Variants in TMC1 observed in about 807,000 individuals in gnomAD.
TMC1 encodes the protein transmembrane channel like 1.
TMC1 carries 84 observed loss-of-function variants against 105.8 expected under a neutral mutation model. That is an observed-to-expected ratio of 0.79 (90% confidence interval 0.67 to 0.95). The LOEUF (loss-of-function observed/expected upper bound fraction) is 0.95. Ranked by LOEUF, TMC1 falls within the 40% of genes least tolerant of loss-of-function variation. The pLI, the probability that TMC1 is intolerant of heterozygous loss-of-function variation, is 0.00. For synonymous variants in TMC1, 315 were observed against 311.5 expected (o/e 1.01, Z -0.12); for missense variants, 817 against 914.1 (o/e 0.89, Z 1.37).
chr9:72,562,793 A>C (rs928150514), intron 1 of TMC1, among the ~76,000 whole-genome samples: 1 of 152,162 alleles, frequency 6.6e-6, no homozygotes, highest in African/African-American at 2.4e-5. Flanking sequence ...AATACAGAGG[A>C]AGATCTAACT....
intron 1 of TMC1, among the ~76,000 whole-genome samples, chr9:72,548,721 C>T (rs1046972895): frequency 2.0e-5 from 3 of 152,126 alleles, no homozygotes; most frequent in Admixed American, 6.5e-5. Context: ...TGCAGTGGCT[C>T]ACGCCTGTAA....
rs1408811372 is a variant in TMC1 at position 72,808,803 on chromosome 9, A to G, written c.1695+3293A>G. 6 of 152,148 alleles carry G rather than the reference A, an allele frequency of 3.9e-5. No homozygotes were observed. In the East Asian group the frequency reaches 9.6e-4, roughly 24 times the overall value. The allele number at this position is 152,148 out of a possible 1,614,324, so 9.4% of individuals were successfully genotyped here. A position where few individuals can be genotyped will look rare whatever the true frequency, so the allele number is the denominator to read the frequency against. ...GAATATCCTTTATAGCTGATCTTCT[A>G]TCTCTTTTATCTCCTGCCCTCTAGT... On this transcript the variant is annotated intron_variant, in intron 18 of 23. Transcript: ENST00000297784.
chr9:72,727,707 T>G (rs1827145335), intron 8 of TMC1, among the ~76,000 whole-genome samples: 1 of 152,062 alleles, frequency 6.6e-6, no homozygotes, highest in Non-Finnish European at 1.5e-5. Context: ...GTGTTTTAGG[T>G]CACATTCTCC....
At chr9:72,798,725 C>T (rs2118217746) in intron 17 of TMC1, among the ~76,000 whole-genome samples, 1 of 152,158 alleles carries the variant, frequency 6.6e-6, no homozygotes, top group Admixed American at 6.5e-5. Flanking sequence ...GAAAAGATAA[C>T]TATTGGGTAC....
chr9:72,638,606 A>G (rs1219013267), intron 4 of TMC1, among the ~76,000 whole-genome samples: 2 of 152,228 alleles, frequency 1.3e-5, no homozygotes, highest in Non-Finnish European at 2.9e-5. Flanking sequence ...CATAGTGTTC[A>G]TTGCCTTGCT....
intron 1 of TMC1, among the ~76,000 whole-genome samples, chr9:72,537,237 G>A (rs893526555): frequency 6.6e-6 from 1 of 152,210 alleles, no homozygotes; most frequent in Non-Finnish European, 1.5e-5. Flanking sequence ...CTTGTGATGG[G>A]AGGAGCAGCC....
chr9:72,738,403 T>C (rs544610771), intron 8 of TMC1, among the ~76,000 whole-genome samples: 2 of 151,330 alleles, frequency 1.3e-5, no homozygotes, highest in African/African-American at 4.9e-5. Context: ...CAGAAAAAAT[T>C]CCCCACTGAC....
At chr9:72,578,265 CGTGTGTGTGTGTGTGT>C (rs67476636) in intron 2 of TMC1, 15 of 147,678 alleles carry the variant, frequency 1.0e-4, no homozygotes, top group East Asian at 2.0e-4. Flanking sequence ...CGCGCGCACG[CGTGTGTGTGTGTGTGT>C]GTGTGTGTGT....
chr9:72,656,235 G>A, intron 5 of TMC1: 1 of 470,148 alleles, frequency 2.1e-6, no homozygotes, highest in Non-Finnish European at 4.1e-6. Flanking sequence ...CGGCAAGAGT[G>A]AACAGTGGTG....
At chr9:72,818,908 AATTT>A (rs1363926740) in intron 19 of TMC1, among the ~76,000 whole-genome samples, 1 of 152,164 alleles carries the variant, frequency 6.6e-6, no homozygotes, top group African/African-American at 2.4e-5. Context: ...GAAATTTTGA[AATTT>A]ATTTATAGAT....
chr9:72,676,738 T>C (rs144720504), intron 5 of TMC1, among the ~76,000 whole-genome samples: 3 of 152,236 alleles, frequency 2.0e-5, no homozygotes, highest in Non-Finnish European at 4.4e-5. Context: ...TAAACAGAAG[T>C]CCTTCTTTCT....
chr9:72,835,978 T>C lies in TMC1; in HGVS notation c.*5T>C. The C allele has an allele frequency of 1.3e-6, 2 of 1,594,852 alleles. No individual in the cohort carries two copies. The highest frequency in any genetic ancestry group is 8.5e-7 in the Non-Finnish European group (1 of 1,171,782). On this transcript the variant is annotated 3_prime_UTR_variant, in exon 24 of 24. Coordinates refer to ENST00000297784, the MANE Select transcript of TMC1 (RefSeq NM_138691.3). The stretch of plus-strand genomic sequence containing the variant: ...GCAGCTGCTGGTCGCCAGTAATAAG[T>C]ATCCTGAGAGCCCAGAAAAGGTACA...
intron 5 of TMC1, among the ~76,000 whole-genome samples, chr9:72,680,591 A>C (rs1327941859): frequency 6.6e-6 from 1 of 152,070 alleles, no homozygotes; most frequent in East Asian, 1.9e-4. Flanking sequence ...AGGAAGATAG[A>C]TCTTCTAAAT....
At chr9:72,644,667 TA>T (rs1825680615) in intron 4 of TMC1, among the ~76,000 whole-genome samples, 1 of 152,136 alleles carries the variant, frequency 6.6e-6, no homozygotes, top group African/African-American at 2.4e-5. Context: ...AATAAAGTCT[TA>T]AAGTTAGGTA....
At chr9:72,668,871 A>G (rs1434140320) in intron 5 of TMC1, among the ~76,000 whole-genome samples, 1 of 152,234 alleles carries the variant, frequency 6.6e-6, no homozygotes, top group Non-Finnish European at 1.5e-5. Context: ...AGCAAAGAAC[A>G]GCTTGTGTGA....
intron 10 of TMC1, among the ~76,000 whole-genome samples, chr9:72,748,926 A>G (rs921244553): frequency 2.6e-5 from 4 of 152,136 alleles, no homozygotes; most frequent in African/African-American, 9.7e-5. Context: ...TCTAGTTTTA[A>G]TGAAATCTAT....
In TMC1 at chr9:72,780,261, G is replaced by A. The variant is rs571151863; in HGVS notation, c.884+7706G>A. Among the ~76,000 whole-genome samples the A allele has an allele frequency of 2.0e-5, 3 of 152,258 alleles. No homozygotes were observed. The East Asian group carries it at 5.8e-4, about 29-fold the overall frequency. ...TGCCTTACAAGAGGTCCTTAAGGAA[G>A]TGCTAACATGGAAATAAAAAACTGT... is the stretch of plus-strand genomic sequence containing the variant. On this transcript the variant is annotated intron_variant, in intron 13 of 23. Coordinates refer to ENST00000297784, the MANE Select transcript of TMC1 (RefSeq NM_138691.3).
chr9:72,551,668 C>T (rs1823861968), intron 1 of TMC1, among the ~76,000 whole-genome samples: 1 of 152,156 alleles, frequency 6.6e-6, no homozygotes, highest in Non-Finnish European at 1.5e-5. Flanking sequence ...TTGAGTCCTT[C>T]CTAAAGACAG....
intron 20 of TMC1, 89 bp downstream of exon 20, chr9:72,821,170 C>T: frequency 6.3e-7 from 1 of 1,585,758 alleles, no homozygotes. Context: ...CTATTTTTTC[C>T]CCCCAAACAA....
Sources: allele counts gnomAD v4.1 joint callset (sites outside exome capture counted in the v4.1 genomes callset), GRCh38; gene constraint gnomAD v4.1.1; transcripts MANE v1.5; gene names NCBI Gene and HGNC (gene_info 2026-07-23, HGNC 2026-07-21).